The following MTX1 variants were observed in gnomAD, a reference collection of about 807,000 sequenced individuals.
MTX1 encodes the protein metaxin-1.
Under a neutral mutation model 39.4 loss-of-function variants are expected in MTX1, and 20 were observed. The ratio of observed to expected loss-of-function variants is 0.51; its 90% confidence interval spans 0.36 to 0.74. The LOEUF (loss-of-function observed/expected upper bound fraction) is 0.74. MTX1 is among the 30% of genes least tolerant of loss of function. The pLI, the probability that MTX1 is intolerant of heterozygous loss-of-function variation, is 0.00. For synonymous variants in MTX1, 209 were observed against 198.6 expected (o/e 1.05, Z -0.44); for missense variants, 481 against 485.9 (o/e 0.99, Z 0.10).
In MTX1 at chr1:155,209,163, C is replaced by T. The variant is rs768059574; in HGVS notation, c.359C>T (p.Thr120Met). Residue 120 changes from threonine to methionine, a missense_variant, in exon 1 of 8, where the codon ACG becomes ATG. This residue lies in a region of MTX1 where 368 missense variants were observed against 332.8 expected (regional missense o/e 1.11). Coordinates refer to ENST00000368376, the MANE Select transcript of MTX1 (RefSeq NM_002455.5). ...PGISPGPLTATIGGAVAGGGP... is the reference protein window; with the variant it reads ...PGISPGPLTAMIGGAVAGGGP... ...ATCTCCCCAGGCCCCCTGACCGCAACGATCGGAGGGGCGGTGGCGGGGGGC... is the reference window on the plus strand; with the variant it reads ...ATCTCCCCAGGCCCCCTGACCGCAATGATCGGAGGGGCGGTGGCGGGGGGC... The T allele has an allele frequency of 1.7e-4, 254 of 1,500,344 alleles. No homozygotes were observed. The highest frequency in any genetic ancestry group is 2.2e-4 in the Non-Finnish European group (246 of 1,122,682). The allele number at this position is 1,500,344 out of a possible 1,614,324, so 92.9% of individuals were successfully genotyped here.
intron 4 of MTX1, 39 bp downstream of exon 4, chr1:155,212,258 G>A (rs781494042): frequency 2.6e-5 from 42 of 1,596,402 alleles, no homozygotes; most frequent in Middle Eastern, 1.7e-4. Context: ...ATGGCCAGCC[G>A]GGGAGGGTTC....
chr1:155,210,227 A>G, intron 1 of MTX1, 119 bp from the exon 2 acceptor site: 2 of 866,236 alleles, frequency 2.3e-6, no homozygotes, highest in Admixed American at 4.4e-5. Flanking sequence ...TTTTTTCGAG[A>G]CTAAGATACT....
rs763205362 is a variant in MTX1, at chr1:155,212,802, C to T, written c.1031+32C>T. 10 of 1,525,732 alleles carry T rather than the reference C, an allele frequency of 6.6e-6. No individual in the cohort carries two copies. The South Asian group carries it at 1.1e-4, about 17-fold the overall frequency. 94.5% of individuals were successfully genotyped at this position (1,525,732 alleles called of 1,614,324 possible). A position where few individuals can be genotyped will look rare whatever the true frequency, so the allele number is the denominator to read the frequency against. On this transcript the variant is annotated intron_variant, in intron 6 of 7. Transcript: ENST00000368376. Reference sequence around the variant, plus strand: ...CTGACTCCAAGAGGGTAATGGGTGGCTTGGAAGAAGATACAGGTTCAGATG... The same window carrying T: ...CTGACTCCAAGAGGGTAATGGGTGGTTTGGAAGAAGATACAGGTTCAGATG...
chr1:155,209,255 G>A lies in MTX1; in HGVS notation c.451G>A (p.Ala151Thr). The change falls in exon 1 of 8, where the codon GCG becomes ACG. Residue 151 changes from alanine to threonine, a missense_variant. Physicochemically the swap from Ala to Thr is moderately conservative, Grantham distance 58. Coordinates refer to ENST00000368376, the MANE Select transcript of MTX1 (RefSeq NM_002455.5). ...TCCGGGACAGAGGGTGGGCAAGATG[G>A]CGGCGCCCATGGAGCTGTTCTGCTG... ...VFPGQRVGKM[A>T]APMELFCWSG... The A allele has an allele frequency of 6.9e-7, 1 of 1,448,344 alleles. No homozygotes were observed. Among genetic ancestry groups the A allele is most frequent in the Non-Finnish European group, 9.1e-7 (1 of 1,097,176 alleles). The allele number at this position is 1,448,344 out of a possible 1,614,324, so 89.7% of individuals were successfully genotyped here.
In MTX1 at chr1:155,209,308, G is replaced by C; in HGVS notation, c.504G>C (p.Val168=). The C allele has an allele frequency of 7.0e-7, 1 of 1,434,178 alleles. No homozygotes were observed. The highest frequency in any genetic ancestry group is 9.1e-7 in the Non-Finnish European group (1 of 1,094,496). 88.8% of individuals were successfully genotyped at this position (1,434,178 alleles called of 1,614,324 possible). The stretch of plus-strand genomic sequence containing the variant: ...CAGGGGGCTGGGGGCTGCCGTCAGT[G>C]GACCTGGACAGCCTGGCCGTGCTGG... ...CWSGGWGLPS[V]DLDSLAVLTY... The change falls in exon 1 of 8, where the codon GTG becomes GTC. Residue 168 remains valine (V), a synonymous_variant. Transcript: ENST00000368376.
At chr1:155,210,673 C>G (rs1426855415) in intron 3 of MTX1, 46 bp downstream of exon 3, 5 of 1,501,642 alleles carry the variant, frequency 3.3e-6, no homozygotes, top group African/African-American at 2.8e-5. Flanking sequence ...GAAGTTCAGT[C>G]AATTCTATAC....
At chr1:155,209,416 G>A in intron 1 of MTX1, 84 bp downstream of exon 1, 2 of 1,322,992 alleles carry the variant, frequency 1.5e-6, no homozygotes, top group Non-Finnish European at 9.7e-7. Context: ...ACCTTGCCAG[G>A]GCTACTCAGC....
At position 155,212,462 on chromosome 1, in the gene MTX1, C is replaced by T; in HGVS notation, c.849C>T (p.Pro283=). 2 of 1,614,092 alleles carry T rather than the reference C, an allele frequency of 1.2e-6. No homozygotes were observed. Among genetic ancestry groups the T allele is most frequent in the Non-Finnish European group, 1.7e-6 (2 of 1,179,946 alleles). ...RKWYAEAMPF[P]LNFFLPGRMQ... Reference sequence around the variant, plus strand: ...GGTATGCAGAGGCTATGCCCTTTCCCCTCAACTTCTTCCTGCCTGGCCGCA... The same window carrying T: ...GGTATGCAGAGGCTATGCCCTTTCCTCTCAACTTCTTCCTGCCTGGCCGCA... Residue 283 remains proline (P), a synonymous_variant, in exon 5 of 8, where the codon CCC becomes CCT. Coordinates refer to ENST00000368376, the MANE Select transcript of MTX1 (RefSeq NM_002455.5).
chr1:155,210,200 G>A (rs1303140771), intron 1 of MTX1, 146 bp from the exon 2 acceptor site: 1 of 695,324 alleles, frequency 1.4e-6, no homozygotes, highest in Non-Finnish European at 2.5e-6. Flanking sequence ...AAATAGAAAT[G>A]GTAGTGACTC....
At chr1:155,211,333 T>G (rs923296007) in intron 3 of MTX1, 1 of 152,794 alleles carries the variant, frequency 6.5e-6, no homozygotes, top group Non-Finnish European at 1.5e-5. Context: ...CCCTGATTGC[T>G]TAGGTGTGAA....
Position 155,213,270 on chromosome 1 carries a change from C to T in MTX1, c.1065C>T (p.Tyr355=). The change falls in exon 7 of 8, where the codon TAC becomes TAT. Residue 355 remains tyrosine, a synonymous_variant. Transcript: ENST00000368376. ...CCTTGGACGCCTTCGTCTTCAGCTA[C>T]TTGGCCCTGCTGCTGCAGGCAAAGC... The part of the protein sequence containing the change: ...PASLDAFVFS[Y]LALLLQAKLP... 2 of 521,704 alleles carry T rather than the reference C, an allele frequency of 3.8e-6. No homozygotes were observed. Among genetic ancestry groups the T allele is most frequent in the South Asian group, 4.2e-5 (2 of 48,090 alleles). The allele number at this position is 521,704 out of a possible 1,614,324, so 32.3% of individuals were successfully genotyped here. A position where few individuals can be genotyped will look rare whatever the true frequency, so the allele number is the denominator to read the frequency against.
chr1:155,210,806 G>A, intron 3 of MTX1, 179 bp downstream of exon 3: 1 of 636,316 alleles, frequency 1.6e-6, no homozygotes, highest in Non-Finnish European at 2.8e-6. Context: ...AAAGCAGTCG[G>A]CAAGAGATGA....
chr1:155,209,217 A>G lies in MTX1; in HGVS notation c.413A>G (p.His138Arg). 6 of 1,458,456 alleles carry G rather than the reference A, an allele frequency of 4.1e-6. No homozygotes were observed. The highest frequency in any genetic ancestry group is 5.4e-6 in the Non-Finnish European group (6 of 1,102,330). The allele number at this position is 1,458,456 out of a possible 1,614,324, so 90.3% of individuals were successfully genotyped here. ...CCCAGGCAGGGGAGGGCAGAAGCAC[A>G]CAAGGAAGTGTTTCCGGGACAGAGG... ...GGPRQGRAEA[H>R]KEVFPGQRVG... The change falls in exon 1 of 8, where the codon CAC becomes CGC. Residue 138 changes from histidine (H) to arginine (R), a missense_variant. Transcript: ENST00000368376.
chr1:155,208,917 G>T lies in MTX1; in HGVS notation c.113G>T (p.Arg38Leu), dbSNP rs544260151. ...FGKSPQTWPR[R>L]TRPRSPEPAA... ...AAGAGCCCCCAGACCTGGCCCAGGC[G>T]CACAAGACCCCGCTCTCCAGAGCCT... Residue 38 changes from arginine to leucine, a missense_variant, in exon 1 of 8, where the codon CGC (arginine) becomes CTC (leucine). Physicochemically the swap from Arg to Leu is moderately radical, Grantham distance 102. Transcript: ENST00000368376. 21 of 1,611,170 alleles carry T rather than the reference G, an allele frequency of 1.3e-5. No individual in the cohort carries two copies. In the East Asian group the frequency reaches 3.6e-4, roughly 27 times the overall value.
Position 155,213,710 on chromosome 1 carries a change from G to C in MTX1, c.*12G>C, listed in dbSNP as rs1364416695. On this transcript the variant is annotated 3_prime_UTR_variant, in exon 8 of 8. Coordinates refer to ENST00000368376, the MANE Select transcript of MTX1 (RefSeq NM_002455.5). The stretch of plus-strand genomic sequence containing the variant: ...ATGAAGAGGAATGATTTGTCCTCAC[G>C]CTCCCAAGACTGGTTTTTCTACTCT... 2.8e-5 allele frequency: 1 copy of C among 35,330 alleles called. No homozygotes were observed. Among genetic ancestry groups the C allele is most frequent in the South Asian group, 2.1e-4 (1 of 4,722 alleles). 2.2% of individuals were successfully genotyped at this position (35,330 alleles called of 1,614,324 possible).
chr1:155,211,748 G>T (rs1415316951), intron 3 of MTX1: 2 of 167,888 alleles, frequency 1.2e-5, no homozygotes, highest in Non-Finnish European at 2.6e-5. Flanking sequence ...GTCCTAGCCT[G>T]CATCTGAGCT....
At chr1:155,212,664 G>T (rs1225277412) in intron 5 of MTX1, 30 bp from the exon 6 acceptor site, 3 of 1,612,722 alleles carry the variant, frequency 1.9e-6, no homozygotes, top group African/African-American at 1.3e-5. Flanking sequence ...TGTTCCCACA[G>T]CTGCAAGCCT....
At chr1:155,210,905 A>G in intron 3 of MTX1, 2 of 480,262 alleles carry the variant, frequency 4.2e-6, no homozygotes, top group Non-Finnish European at 7.6e-6. Flanking sequence ...GTGGGACTGG[A>G]GAGAGATTTC....
chr1:155,210,613 C>A lies in MTX1; in HGVS notation c.664C>A (p.His222Asn), dbSNP rs1284055889. The change falls in exon 3 of 8, where the codon CAC becomes AAC. Residue 222 changes from histidine (H) to asparagine (N), a missense_variant. Physicochemically the swap from His to Asn is moderately conservative, Grantham distance 68. This residue lies in a region of MTX1 where 368 missense variants were observed against 332.8 expected (regional missense o/e 1.11). Coordinates refer to ENST00000368376, the MANE Select transcript of MTX1 (RefSeq NM_002455.5). ...VISVPHKIITHLRKEKYNADY... is the reference protein window; with the variant it reads ...VISVPHKIITNLRKEKYNADY... ...CTCAGTTCCACACAAGATCATCACC[C>A]ACCTTCGAAAAGAGGTAGGTGACTT... is the stretch of plus-strand genomic sequence containing the variant. 6.2e-7 allele frequency: 1 copy of A among 1,613,848 alleles called. No individual in the cohort carries two copies. Among genetic ancestry groups the A allele is most frequent in the Non-Finnish European group, 8.5e-7 (1 of 1,179,962 alleles).
Sources: allele counts gnomAD v4.1 joint callset, GRCh38; gene constraint gnomAD v4.1.1; regional missense constraint gnomAD v4.1.1; transcripts MANE v1.5; gene names NCBI Gene and HGNC (gene_info 2026-07-23, HGNC 2026-07-21).